DYNAP: variants seen among roughly 807,000 people sequenced by gnomAD.
DYNAP encodes the protein dynactin-associated protein.
DYNAP carries 7 observed loss-of-function variants against 8.5 expected under a neutral mutation model. The ratio of observed to expected loss-of-function variants is 0.82; its 90% CI spans 0.47 to 1.54. DYNAP has a LOEUF of 1.54. Among genes scored for constraint, DYNAP ranks in the 40% most tolerant of loss-of-function variants. DYNAP has a pLI of 0.01. For synonymous variants in DYNAP, 77 were observed against 77.9 expected (o/e 0.99, Z 0.06); for missense variants, 256 against 224.3 (o/e 1.14, Z -0.90).
upstream of DYNAP, among the ~76,000 whole-genome samples, chr18:54,588,260 G>A (rs991244764): frequency 6.7e-6 from 1 of 149,836 alleles, no homozygotes; most frequent in East Asian, 2.0e-4. Context: ...AAGCTGGAGT[G>A]TGATAGCAGA....
intron 2 of DYNAP, among the ~76,000 whole-genome samples, chr18:54,596,104 T>C (rs7229819): frequency 0.8 from 120,827 of 151,670 alleles, 48,396 homozygotes; most frequent in Middle Eastern, 0.91. Flanking sequence ...CAGGTTCTCA[T>C]TCTTGTCACC....
chr18:54,585,461 G>A (rs939705217), upstream of DYNAP, among the ~76,000 whole-genome samples: 7 of 151,896 alleles, frequency 4.6e-5, no homozygotes, highest in African/African-American at 1.7e-4. Flanking sequence ...TTCCCCCAGT[G>A]CCTTGCCTCT....
upstream of DYNAP, among the ~76,000 whole-genome samples, chr18:54,589,571 A>G (rs576534246): frequency 1.2e-3 from 182 of 152,164 alleles, no homozygotes; most frequent in Middle Eastern, 6.8e-3. Context: ...AAATTTTAAA[A>G]TTTTCTCCCA....
chr18:54,584,005 G>A (rs893430754), upstream of DYNAP, among the ~76,000 whole-genome samples: 2 of 151,600 alleles, frequency 1.3e-5, no homozygotes, highest in African/African-American at 2.4e-5. Context: ...TCCAAATTAC[G>A]TATAAGTAGG....
At position 54,591,347 on chromosome 18, in the gene DYNAP, T is replaced by A; in HGVS notation, c.57+8T>A. 1.3e-6 allele frequency: 2 copies of A among 1,598,074 alleles called. No homozygotes were observed. Among genetic ancestry groups the A allele is most frequent in the Non-Finnish European group, 1.7e-6 (2 of 1,172,752 alleles). ...CACTCTGAAAACCAGCCGGTGAGTG[T>A]CCTTGCTCCATTTTGATAGTTTGCC... On this transcript the variant is annotated splice_region_variant and intron_variant, in intron 1 of 2. Coordinates refer to ENST00000648945, the MANE Select transcript of DYNAP (RefSeq NM_173629.3).
At chr18:54,575,876 A>G in the DYNAP span, among the ~76,000 whole-genome samples, 1 of 152,086 alleles carries the variant, frequency 6.6e-6, no homozygotes, top group Non-Finnish European at 1.5e-5. Flanking sequence ...TATTTCCAGT[A>G]CCTCAACAAT....
At chr18:54,578,081 C>T in the DYNAP span, among the ~76,000 whole-genome samples, 8 of 152,200 alleles carry the variant, frequency 5.3e-5, no homozygotes, top group Admixed American at 3.3e-4. Context: ...GCTCAGGAGC[C>T]CTGGATGCCT....
rs1206980592 is a variant in DYNAP, at chr18:54,599,328, T to A, written c.*1183T>A. On this transcript the variant is annotated 3_prime_UTR_variant, in exon 3 of 3. Coordinates refer to ENST00000648945, the MANE Select transcript of DYNAP (RefSeq NM_173629.3). Reference sequence around the variant, plus strand: ...AACTTGATAGAACTAGCATCAGTCATCAAAATAACCTGTTCTATATTAAGT... The same window carrying A: ...AACTTGATAGAACTAGCATCAGTCAACAAAATAACCTGTTCTATATTAAGT... The A allele has an allele frequency of 2.6e-5, 4 of 152,102 alleles. No individual in the cohort carries two copies. Among genetic ancestry groups the A allele is most frequent in the Non-Finnish European group, 5.9e-5 (4 of 67,982 alleles). The allele number at this position is 152,102 out of a possible 1,614,324, so 9.4% of individuals were successfully genotyped here.
chr18:54,588,117 G>A (rs142985257), upstream of DYNAP, among the ~76,000 whole-genome samples: 1 of 152,172 alleles, frequency 6.6e-6, no homozygotes, highest in Non-Finnish European at 1.5e-5. Flanking sequence ...GTAAGCAGAG[G>A]TCTTGTCTGT....
intron 1 of DYNAP, among the ~76,000 whole-genome samples, chr18:54,594,667 C>T (rs541466127): frequency 6.6e-6 from 1 of 152,166 alleles, no homozygotes; most frequent in African/African-American, 2.4e-5. Flanking sequence ...CCACATACAG[C>T]AGCTTGCAAC....
chr18:54,590,991 A>G (rs199996781), upstream of DYNAP, among the ~76,000 whole-genome samples: 8 of 152,320 alleles, frequency 5.3e-5, no homozygotes, highest in East Asian at 1.3e-3. Context: ...TGATGGGACT[A>G]AAGAGGAGAG....
the DYNAP span, among the ~76,000 whole-genome samples, chr18:54,578,682 A>G: frequency 3.3e-5 from 5 of 152,246 alleles, no homozygotes; most frequent in Admixed American, 6.5e-5. Context: ...TGGTTTTAAG[A>G]GAAAACTCTA....
chr18:54,590,244 T>C (rs941883758), upstream of DYNAP, among the ~76,000 whole-genome samples: 4 of 152,198 alleles, frequency 2.6e-5, no homozygotes, highest in African/African-American at 9.6e-5. Flanking sequence ...AGGTATGTTA[T>C]ATAAGTGAAA....
chr18:54,585,075 GA>G (rs1910829695), upstream of DYNAP, among the ~76,000 whole-genome samples: 1 of 152,118 alleles, frequency 6.6e-6, no homozygotes. Context: ...GGGCAAACAT[GA>G]AACTGGGAGG....
rs774381724 is a variant in DYNAP, at chr18:54,597,807, G to A, written c.223-6G>A. ...TCATTGCTGATATTTTTATATACAT[G>A]CTTAGGTAAAAGAATATTGCCGCAA... is the stretch of plus-strand genomic sequence containing the variant. On this transcript the variant is annotated splice_polypyrimidine_tract_variant and splice_region_variant and intron_variant, in intron 2 of 2. Transcript: ENST00000648945. 2 of 1,596,780 alleles carry A rather than the reference G, an allele frequency of 1.3e-6. No individual in the cohort carries two copies. The highest frequency in any genetic ancestry group is 3.4e-5 in the Admixed American group (2 of 58,868).
intron 1 of DYNAP, 75 bp downstream of exon 1, chr18:54,591,414 CT>C: frequency 1.4e-6 from 2 of 1,473,360 alleles, no homozygotes; most frequent in Admixed American, 2.2e-5. Flanking sequence ...GCAGTTTAAT[CT>C]CTTTATTACT....
chr18:54,586,389 GT>G (rs573151498), upstream of DYNAP, among the ~76,000 whole-genome samples: 53 of 152,234 alleles, frequency 3.5e-4, no homozygotes, highest in South Asian at 1.9e-3. Flanking sequence ...GATGAGACAT[GT>G]CTCCACCCTG....
upstream of DYNAP, among the ~76,000 whole-genome samples, chr18:54,583,190 T>C (rs759102664): frequency 1.3e-5 from 2 of 152,136 alleles, no homozygotes; most frequent in Non-Finnish European, 2.9e-5. Context: ...AGGAAGACTA[T>C]CTGTAGGTTT....
chr18:54,594,383 C>A (rs933250965), intron 1 of DYNAP, among the ~76,000 whole-genome samples: 6 of 152,038 alleles, frequency 3.9e-5, no homozygotes, highest in African/African-American at 1.4e-4. Context: ...TCACTAGTAT[C>A]ATGTAGTATA....
Sources: gnomAD v4.1 joint callset for allele counts (sites outside exome capture counted in the v4.1 genomes callset) on GRCh38, gnomAD v4.1.1 for gene constraint, MANE v1.5 for transcripts, NCBI Gene and HGNC (gene_info 2026-07-23, HGNC 2026-07-21) for gene names.